The following STPG1 variants were observed in gnomAD, a reference collection of about 807,000 sequenced individuals.
STPG1 encodes the protein sperm tail PG-rich repeat containing 1.
A neutral mutation model predicts 40.1 loss-of-function variants in STPG1; 33 were observed. The ratio of observed to expected loss-of-function variants is 0.82; its 90% CI spans 0.62 to 1.10. STPG1 has a LOEUF of 1.10. STPG1 is among the 50% of genes least tolerant of loss of function. The probability of loss-of-function intolerance (pLI) is 0.00; values close to 1 mark genes in which losing one functional copy is unlikely to be tolerated. For synonymous variants in STPG1, 150 were observed against 155.0 expected, an observed-to-expected ratio of 0.97 and a Z score of 0.24; for missense variants, 396 against 415.1, an observed-to-expected ratio of 0.95 and a Z score of 0.40.
chr1:24,401,214 C>T, intron 2 of STPG1, 105 bp downstream of exon 2: 2 of 916,450 alleles, frequency 2.2e-6, no homozygotes, highest in South Asian at 3.0e-5. Context: ...GTAAGGATGG[C>T]CCTGTGGATA....
chr1:24,401,456 C>T lies in STPG1; in HGVS notation c.-68G>A. 4 of 1,326,640 alleles carry T rather than the reference C, an allele frequency of 3.0e-6. No individual in the cohort carries two copies. Among genetic ancestry groups the T allele is most frequent in the East Asian group, 2.3e-5 (1 of 42,774 alleles). The allele number at this position is 1,326,640 out of a possible 1,614,324, so 82.2% of individuals were successfully genotyped here. On this transcript the variant is annotated splice_region_variant and 5_prime_UTR_variant, in exon 2 of 9. It adds an upstream start codon to the 5' untranslated region. Coordinates refer to ENST00000337248, the MANE Select transcript of STPG1 (RefSeq NM_001199013.2). ...GTTCTACTGCATGTTCTCCTAAGCA[C>T]CTGAAACAGCAAAACACAGCATTTG...
chr1:24,384,151 A>G (rs1642405731), intron 3 of STPG1, 148 bp from the exon 4 acceptor site: 1 of 580,118 alleles, frequency 1.7e-6, no homozygotes, highest in South Asian at 2.0e-5. Context: ...TAGCTCCACC[A>G]TTTCCTGACT....
At chr1:24,364,980 A>G (rs1168640774) in intron 7 of STPG1, among the ~76,000 whole-genome samples, 1 of 152,188 alleles carries the variant, frequency 6.6e-6, no homozygotes, top group Non-Finnish European at 1.5e-5. Flanking sequence ...ACTCCCAGGC[A>G]CACATTCACT....
chr1:24,374,235 T>A (rs951616418), intron 5 of STPG1, among the ~76,000 whole-genome samples: 5 of 144,200 alleles, frequency 3.5e-5, no homozygotes, highest in Non-Finnish European at 6.0e-5. Flanking sequence ...AGATCACCGC[T>A]AGGAAAGTGT....
intron 7 of STPG1, among the ~76,000 whole-genome samples, chr1:24,366,311 G>A (rs1306037914): frequency 6.6e-6 from 1 of 152,232 alleles, no homozygotes; most frequent in Non-Finnish European, 1.5e-5. Flanking sequence ...GAAGGTGCAT[G>A]CAGATGGGGT....
chr1:24,373,612 A>G, intron 6 of STPG1, 90 bp downstream of exon 6: 1 of 874,276 alleles, frequency 1.1e-6, no homozygotes, highest in East Asian at 2.4e-5. Context: ...AAATCCTTCC[A>G]AAGACTCCCT....
chr1:24,392,708 C>T (rs936235856), intron 2 of STPG1, among the ~76,000 whole-genome samples: 4 of 152,122 alleles, frequency 2.6e-5, no homozygotes, highest in Admixed American at 1.3e-4. Flanking sequence ...TCTTCATGAG[C>T]GTGTGTGTGG....
In STPG1 at chr1:24,371,786, T is replaced by C. The variant is rs534385215; in HGVS notation, c.571+1916A>G. Among the ~76,000 whole-genome samples, 4 of 152,206 alleles carry C rather than the reference T, an allele frequency of 2.6e-5. No homozygotes were observed. The South Asian group carries it at 8.3e-4, about 32-fold the overall frequency. ...AAGCAAAAGCAAGGAATAGAAGGCA[T>C]TTATGCTGCCACTACCAGAGAGAGC... On this transcript the variant is annotated intron_variant, in intron 6 of 8. Transcript: ENST00000337248.
At chr1:24,398,466 C>T (rs576012645) in intron 2 of STPG1, among the ~76,000 whole-genome samples, 31 of 152,120 alleles carry the variant, frequency 2.0e-4, no homozygotes, top group African/African-American at 5.1e-4. Context: ...TTCTATTCAA[C>T]GTTGTACTGA....
chr1:24,390,686 T>A (rs1642729123), intron 3 of STPG1, among the ~76,000 whole-genome samples: 1 of 152,148 alleles, frequency 6.6e-6, no homozygotes, highest in African/African-American at 2.4e-5. Flanking sequence ...CCCAAACTGC[T>A]GGGATTACAG....
rs184438017 is a variant in STPG1, at chr1:24,376,720, G to C, written c.463-2910C>G. Reference sequence around the variant, plus strand: ...ACGGCAGCATCCTTCAGCTACAACCGGGAGGCTGCAGAGAGGGGCATCCGC... The same window carrying C: ...ACGGCAGCATCCTTCAGCTACAACCCGGAGGCTGCAGAGAGGGGCATCCGC... On this transcript the variant is annotated intron_variant, in intron 5 of 8. Transcript: ENST00000337248. Among the ~76,000 whole-genome samples the C allele has an allele frequency of 5.9e-5, 9 of 152,270 alleles. No homozygotes were observed. In the South Asian group the frequency reaches 1.9e-3, roughly 32 times the overall value.
intron 1 of STPG1, among the ~76,000 whole-genome samples, chr1:24,412,710 A>ACTG (rs778752099): frequency 6.6e-6 from 1 of 152,194 alleles, no homozygotes; most frequent in Non-Finnish European, 1.5e-5. Context: ...TAATAATAAT[A>ACTG]GTATTGAGAA....
At chr1:24,411,213 C>T (rs983004569) in intron 1 of STPG1, among the ~76,000 whole-genome samples, 1 of 152,142 alleles carries the variant, frequency 6.6e-6, no homozygotes, top group Non-Finnish European at 1.5e-5. Flanking sequence ...TTATAATAAT[C>T]CAGTGAGGTA....
At chr1:24,361,074 A>G (rs375637757) in intron 7 of STPG1, 33 bp from the exon 8 acceptor site, 17 of 1,566,730 alleles carry the variant, frequency 1.1e-5, no homozygotes, top group Non-Finnish European at 1.3e-5. Context: ...AGATGTCACT[A>G]AGGCAGTCTA....
Position 24,373,797 on chromosome 1 carries a change from C to A in STPG1, c.476G>T (p.Cys159Phe), listed in dbSNP as rs1347232661. The part of the protein sequence containing the change: ...APNYYNASVS[C>F]CKQRNNVCTR... ...ACAGACGTTGTTTCTCTGCTTGCAG[C>A]AAGAGACAGAGGCCTAGGGGGAGAA... is the stretch of plus-strand genomic sequence containing the variant. The change falls in exon 6 of 9, where the codon TGC becomes TTC. Residue 159 changes from cysteine (C) to phenylalanine (F), a missense_variant. By Grantham distance (205) the Cys-to-Phe change is radical. Transcript: ENST00000337248. 2.5e-6 allele frequency: 4 copies of A among 1,608,386 alleles called. No homozygotes were observed. The highest frequency in any genetic ancestry group is 1.7e-5 in the Admixed American group (1 of 59,942).
In STPG1 at chr1:24,370,614, C is replaced by G. The variant is rs183444681; in HGVS notation, c.572-775G>C. 1.6e-4 allele frequency among the ~76,000 whole-genome samples: 24 copies of G among 152,294 alleles called. No individual in the cohort carries two copies. The East Asian group carries it at 4.2e-3, about 27-fold the overall frequency. On this transcript the variant is annotated intron_variant, in intron 6 of 8. Transcript: ENST00000337248. Reference sequence around the variant, plus strand: ...TCACGCCATTCTCCTGCCTCAGCCTCCCAAGTAGCTGGGACTACAGATGCC... The same window carrying G: ...TCACGCCATTCTCCTGCCTCAGCCTGCCAAGTAGCTGGGACTACAGATGCC...
chr1:24,360,503 T>A (rs1641035168), intron 8 of STPG1, among the ~76,000 whole-genome samples: 1 of 152,180 alleles, frequency 6.6e-6, no homozygotes, highest in Non-Finnish European at 1.5e-5. Context: ...TTTCTGACAC[T>A]CTGACAAAAG....
intron 2 of STPG1, among the ~76,000 whole-genome samples, chr1:24,394,180 CCT>C (rs1642897172): frequency 6.6e-6 from 1 of 152,156 alleles, no homozygotes; most frequent in Non-Finnish European, 1.5e-5. Context: ...GGGAATAGCT[CCT>C]GTTTTCATGA....
intron 2 of STPG1, chr1:24,401,098 ATTTTTT>A (rs886799235): frequency 4.5e-5 from 20 of 444,326 alleles, no homozygotes; most frequent in African/African-American, 3.3e-4. Flanking sequence ...TTAGTTTTTT[ATTTTTT>A]AACAGACTTC....
Sources: allele counts gnomAD v4.1 joint callset (sites outside exome capture counted in the v4.1 genomes callset), GRCh38; gene constraint gnomAD v4.1.1; transcripts MANE v1.5; gene names NCBI Gene and HGNC (gene_info 2026-07-23, HGNC 2026-07-21).